CTNNA3: variants seen among roughly 807,000 people sequenced by gnomAD.
CTNNA3 encodes the protein catenin alpha-3.
CTNNA3 carries 76 observed loss-of-function variants against 95.7 expected under a neutral mutation model. That is an observed-to-expected ratio of 0.79 (90% CI 0.66 to 0.96). The LOEUF is 0.96. Among genes scored for constraint, CTNNA3 ranks in the 40% least tolerant of loss-of-function variants. The probability of loss-of-function intolerance (pLI) is 0.00; values close to 1 mark genes in which losing one functional copy is unlikely to be tolerated. For synonymous variants in CTNNA3, 431 were observed against 374.4 expected (o/e 1.15, Z -1.74); for missense variants, 1,191 against 1,089.8 (o/e 1.09, Z -1.31).
chr10:67,282,175 C>T lies in CTNNA3; in HGVS notation c.580-62305G>A, dbSNP rs569672861. On this transcript the variant is annotated intron_variant, in intron 5 of 17. Coordinates refer to ENST00000433211, the MANE Select transcript of CTNNA3 (RefSeq NM_013266.4). ...ATACTTTCTATTAGAAGTAATTCTACCCTATTCCTTACGCAACTTGGTCCA... is the reference window on the plus strand; with the variant it reads ...ATACTTTCTATTAGAAGTAATTCTATCCTATTCCTTACGCAACTTGGTCCA... 6.2e-4 allele frequency among the ~76,000 whole-genome samples: 95 copies of T among 152,156 alleles called. 1 individual carries two copies. The highest frequency in any genetic ancestry group is 2.2e-3 in the African/African-American group (92 of 41,522).
rs188812877 is a variant in CTNNA3, at chr10:67,164,641, A to G, written c.1047+15676T>C. On this transcript the variant is annotated intron_variant, in intron 7 of 17. Coordinates refer to ENST00000433211, the MANE Select transcript of CTNNA3 (RefSeq NM_013266.4). ...AAAATATTTACAAAACTAATATCTG[A>G]AAAGGTCTCATATATAGAATGTATA... 2.6e-5 allele frequency among the ~76,000 whole-genome samples: 4 copies of G among 152,278 alleles called. No homozygotes were observed. The East Asian group carries it at 7.7e-4, about 29-fold the overall frequency.
chr10:67,721,687 G>C (rs551774551), intron 1 of CTNNA3, among the ~76,000 whole-genome samples: 31 of 152,252 alleles, frequency 2.0e-4, no homozygotes, highest in Admixed American at 1.5e-3. Flanking sequence ...TCTCCATCAA[G>C]TTTTGTTCTT....
intron 12 of CTNNA3, among the ~76,000 whole-genome samples, chr10:66,337,102 AT>A (rs1359893284): frequency 6.6e-6 from 1 of 152,096 alleles, no homozygotes; most frequent in Non-Finnish European, 1.5e-5. Context: ...ACATATATTT[AT>A]TTTTCATAAA....
chr10:67,232,589 A>G (rs1214991932), intron 5 of CTNNA3, among the ~76,000 whole-genome samples: 20 of 152,110 alleles, frequency 1.3e-4, no homozygotes, highest in Non-Finnish European at 2.9e-4. Flanking sequence ...AGACTAGGAA[A>G]AAACTGCATC....
chr10:67,390,125 T>G (rs1354312498), intron 5 of CTNNA3, among the ~76,000 whole-genome samples: 1 of 152,084 alleles, frequency 6.6e-6, no homozygotes, highest in African/African-American at 2.4e-5. Flanking sequence ...CAGGAGCTGG[T>G]TTTTTGAAAG....
chr10:67,045,695 G>C (rs1376095167), intron 7 of CTNNA3, among the ~76,000 whole-genome samples: 1 of 152,180 alleles, frequency 6.6e-6, no homozygotes, highest in Non-Finnish European at 1.5e-5. Context: ...CGGCCCCCAG[G>C]CGGGGATAGC....
chr10:67,144,968 C>T (rs559401719), intron 7 of CTNNA3, among the ~76,000 whole-genome samples: 2 of 152,232 alleles, frequency 1.3e-5, no homozygotes, highest in African/African-American at 4.8e-5. Context: ...ACGTGCGGCT[C>T]TTCCTTTCAT....
At chr10:66,595,311 T>C (rs927192511) in intron 10 of CTNNA3, among the ~76,000 whole-genome samples, 4 of 149,682 alleles carry the variant, frequency 2.7e-5, no homozygotes, top group African/African-American at 1.0e-4. Context: ...TAAATATTCC[T>C]TGTTGATTGA....
intron 5 of CTNNA3, among the ~76,000 whole-genome samples, chr10:67,483,694 C>A (rs1230238208): frequency 2.0e-5 from 3 of 149,368 alleles, no homozygotes; most frequent in Admixed American, 6.7e-5. Flanking sequence ...ACCAGCATGG[C>A]ACATGTATAC....
chr10:67,035,549 A>C (rs1159652540), intron 7 of CTNNA3, among the ~76,000 whole-genome samples: 1 of 152,148 alleles, frequency 6.6e-6, no homozygotes, highest in Non-Finnish European at 1.5e-5. Flanking sequence ...GTAAATTCTA[A>C]CTCGGAGAAC....
At chr10:66,856,769 A>C (rs879117254) in intron 7 of CTNNA3, among the ~76,000 whole-genome samples, 1 of 151,792 alleles carries the variant, frequency 6.6e-6, no homozygotes, top group African/African-American at 2.4e-5. Context: ...TCTGCTTATA[A>C]ATTTGTTTAA....
At chr10:66,754,806 C>T (rs1839299602) in intron 9 of CTNNA3, among the ~76,000 whole-genome samples, 1 of 152,094 alleles carries the variant, frequency 6.6e-6, no homozygotes, top group South Asian at 2.1e-4. Context: ...CAAATAGTAA[C>T]AACTGTTGGC....
intron 7 of CTNNA3, among the ~76,000 whole-genome samples, chr10:66,865,579 C>T (rs1844141410): frequency 6.6e-6 from 1 of 151,760 alleles, no homozygotes; most frequent in Admixed American, 6.6e-5. Flanking sequence ...ATGCTCTTGG[C>T]ACAATTTATG....
At chr10:66,362,642 G>A (rs1476234929) in intron 12 of CTNNA3, among the ~76,000 whole-genome samples, 4 of 151,758 alleles carry the variant, frequency 2.6e-5, no homozygotes, top group African/African-American at 7.3e-5. Flanking sequence ...GAACCTGGGA[G>A]ACAAAGGTTG....
chr10:67,568,618 A>AT (rs1841887966), intron 3 of CTNNA3, among the ~76,000 whole-genome samples: 1 of 151,966 alleles, frequency 6.6e-6, no homozygotes, highest in Non-Finnish European at 1.5e-5. Flanking sequence ...GATTAGAAAA[A>AT]TTTTTACTGG....
intron 1 of CTNNA3, among the ~76,000 whole-genome samples, chr10:67,726,614 A>ATATATTATATTATATATAATATATAC (rs1841228249): frequency 1.2e-5 from 1 of 83,406 alleles, no homozygotes; most frequent in African/African-American, 5.1e-5. Context: ...ATTATATAAT[A>ATATATTATATTATATATAATATATAC]TATAATATAT....
At chr10:66,783,557 T>G (rs921082869) in intron 7 of CTNNA3, among the ~76,000 whole-genome samples, 1 of 152,116 alleles carries the variant, frequency 6.6e-6, no homozygotes, top group African/African-American at 2.4e-5. Flanking sequence ...AAAGCAGCTG[T>G]GATGCTAATA....
At chr10:67,471,356 T>G (rs1189526268) in intron 5 of CTNNA3, among the ~76,000 whole-genome samples, 1 of 152,214 alleles carries the variant, frequency 6.6e-6, no homozygotes, top group Non-Finnish European at 1.5e-5. Flanking sequence ...CCATTTCTCT[T>G]GGAATATCAG....
intron 6 of CTNNA3, among the ~76,000 whole-genome samples, chr10:67,205,425 C>G (rs1220105444): frequency 6.6e-6 from 1 of 151,912 alleles, no homozygotes; most frequent in Admixed American, 6.6e-5. Flanking sequence ...ATTTACCCAC[C>G]AAAATTGCAA....
Sources: gnomAD v4.1 joint callset for allele counts (sites outside exome capture counted in the v4.1 genomes callset) on GRCh38, gnomAD v4.1.1 for gene constraint, MANE v1.5 for transcripts, NCBI Gene and HGNC (gene_info 2026-07-23, HGNC 2026-07-21) for gene names.